Variants in LDAH observed in about 807,000 individuals in gnomAD.
The protein encoded by LDAH is lipid droplet-associated hydrolase.
In LDAH, 26 loss-of-function variants were observed where a neutral mutation model predicts 29.6. The ratio of observed to expected loss-of-function variants is 0.88; its 90% CI spans 0.64 to 1.22. The LOEUF (loss-of-function observed/expected upper bound fraction) is 1.22. LDAH is among the 50% of genes most tolerant of loss of function. The pLI is 0.00. For missense variants in LDAH, 344 were observed against 387.3 expected (o/e 0.89, Z 0.94); for synonymous variants, 117 against 133.0 (o/e 0.88, Z 0.83).
intron 5 of LDAH, among the ~76,000 whole-genome samples, chr2:20,706,240 C>T (rs189690228): frequency 6.6e-6 from 1 of 152,254 alleles, no homozygotes; most frequent in African/African-American, 2.4e-5. Flanking sequence ...TTGGGGAACA[C>T]CATGAGGAAA....
intron 5 of LDAH, among the ~76,000 whole-genome samples, chr2:20,709,972 C>T (rs987218414): frequency 6.6e-6 from 1 of 152,134 alleles, no homozygotes; most frequent in African/African-American, 2.4e-5. Context: ...TAAAAACTTA[C>T]ATTACAAAAT....
intron 4 of LDAH, among the ~76,000 whole-genome samples, chr2:20,764,131 T>A (rs1256177696): frequency 1.3e-5 from 2 of 152,232 alleles, no homozygotes; most frequent in Admixed American, 6.5e-5. Flanking sequence ...AAACTGTCCA[T>A]GTGTCTAGTT....
intron 4 of LDAH, among the ~76,000 whole-genome samples, chr2:20,770,370 C>T (rs971378583): frequency 6.6e-6 from 1 of 151,996 alleles, no homozygotes; most frequent in African/African-American, 2.4e-5. Context: ...AAGAGGAGAA[C>T]ATGTTATCAT....
chr2:20,815,886 C>G (rs1447217512), intron 1 of LDAH, among the ~76,000 whole-genome samples: 1 of 152,046 alleles, frequency 6.6e-6, no homozygotes, highest in Non-Finnish European at 1.5e-5. Context: ...TATTCTTCAT[C>G]TTATGAGTTT....
At chr2:20,728,884 G>A (rs529561121) in intron 5 of LDAH, among the ~76,000 whole-genome samples, 7 of 152,292 alleles carry the variant, frequency 4.6e-5, no homozygotes, top group East Asian at 3.9e-4. Context: ...TTAGAGCCAA[G>A]GGATTAAAAG....
chr2:20,810,782 C>T (rs1672419397), intron 1 of LDAH, among the ~76,000 whole-genome samples: 1 of 152,196 alleles, frequency 6.6e-6, no homozygotes, highest in Non-Finnish European at 1.5e-5. Flanking sequence ...GCATTACTGC[C>T]TGAGCTCCGC....
chr2:20,693,674 A>G (rs1397479692), intron 6 of LDAH, among the ~76,000 whole-genome samples: 1 of 152,256 alleles, frequency 6.6e-6, no homozygotes, highest in Non-Finnish European at 1.5e-5. Context: ...CCCTTTGGCT[A>G]TCCTTGGTTG....
intron 1 of LDAH, among the ~76,000 whole-genome samples, chr2:20,820,251 T>C (rs1431384658): frequency 6.6e-6 from 1 of 152,046 alleles, no homozygotes; most frequent in Non-Finnish European, 1.5e-5. Context: ...CTTCATGGAA[T>C]TGGAAAAAAC....
intron 3 of LDAH, among the ~76,000 whole-genome samples, chr2:20,788,572 G>A (rs956376480): frequency 6.6e-6 from 1 of 152,122 alleles, no homozygotes; most frequent in African/African-American, 2.4e-5. Context: ...GATGTAAAAT[G>A]TAACTTTATT....
chr2:20,708,952 T>C (rs1276063544), intron 5 of LDAH, among the ~76,000 whole-genome samples: 3 of 152,158 alleles, frequency 2.0e-5, no homozygotes, highest in African/African-American at 4.8e-5. Flanking sequence ...TATAAAGAAC[T>C]CTTACAAATC....
At chr2:20,806,888 AT>A (rs1417607670) in intron 1 of LDAH, among the ~76,000 whole-genome samples, 1 of 151,778 alleles carries the variant, frequency 6.6e-6, no homozygotes, top group Non-Finnish European at 1.5e-5. Flanking sequence ...TAGAAAAAAA[AT>A]AAATGAATCC....
At chr2:20,742,969 T>C (rs111244175) in intron 4 of LDAH, among the ~76,000 whole-genome samples, 4,818 of 151,732 alleles carry the variant, frequency 0.032, 258 homozygotes, top group African/African-American at 0.11. Context: ...CCCTATGTTG[T>C]GCAGGCTGGT....
chr2:20,783,615 T>C (rs766195467), intron 3 of LDAH, among the ~76,000 whole-genome samples: 2 of 152,240 alleles, frequency 1.3e-5, no homozygotes, highest in Non-Finnish European at 2.9e-5. Context: ...CCAGCTTTCT[T>C]TTGACTAGTG....
At chr2:20,790,892 A>G (rs1670899686) in intron 2 of LDAH, among the ~76,000 whole-genome samples, 1 of 152,202 alleles carries the variant, frequency 6.6e-6, no homozygotes, top group African/African-American at 2.4e-5. Context: ...GTTTGCTATA[A>G]AGAAACAATA....
intron 4 of LDAH, among the ~76,000 whole-genome samples, chr2:20,763,560 A>C: frequency 6.6e-6 from 1 of 152,176 alleles, no homozygotes; most frequent in East Asian, 1.9e-4. Flanking sequence ...CATCTATTAT[A>C]TTTTACTTAC....
chr2:20,725,125 T>C (rs1389676266), intron 5 of LDAH, among the ~76,000 whole-genome samples: 1 of 152,206 alleles, frequency 6.6e-6, no homozygotes, highest in Non-Finnish European at 1.5e-5. Context: ...GTCCAAAATA[T>C]ACCACCACGT....
Position 20,721,956 on chromosome 2 carries a change from C to T in LDAH, c.703+18015G>A, listed in dbSNP as rs137969151. On this transcript the variant is annotated intron_variant, in intron 5 of 6. Transcript: ENST00000237822. Reference sequence around the variant, plus strand: ...ATACACATAATGGAATATTATTCAGCCATAAAAAGAATGAAATCCTGTCAT... The same window carrying T: ...ATACACATAATGGAATATTATTCAGTCATAAAAAGAATGAAATCCTGTCAT... Among the ~76,000 whole-genome samples, 181 of 152,188 alleles carry T rather than the reference C, an allele frequency of 1.2e-3. 1 individual carries two copies. Among genetic ancestry groups the T allele is most frequent in the African/African-American group, 4.1e-3 (171 of 41,516 alleles).
At chr2:20,820,875 G>T (rs1673226927) in intron 1 of LDAH, among the ~76,000 whole-genome samples, 1 of 140,892 alleles carries the variant, frequency 7.1e-6, no homozygotes. Flanking sequence ...ATCTGACAAA[G>T]GGCTAATATC....
chr2:20,781,588 G>A (rs570981046), intron 3 of LDAH, among the ~76,000 whole-genome samples: 1 of 152,190 alleles, frequency 6.6e-6, no homozygotes, highest in African/African-American at 2.4e-5. Context: ...ACAGATGAGA[G>A]CAGAACTGTT....
Sources: allele counts gnomAD v4.1 joint callset (sites outside exome capture counted in the v4.1 genomes callset), GRCh38; gene constraint gnomAD v4.1.1; transcripts MANE v1.5; gene names NCBI Gene and HGNC (gene_info 2026-07-23, HGNC 2026-07-21).